The following KIAA1671 variants were observed in gnomAD, a reference collection of about 807,000 sequenced individuals.
KIAA1671 encodes the protein uncharacterized protein KIAA1671.
KIAA1671 carries 52 observed loss-of-function variants against 131.2 expected under a neutral mutation model. The ratio of observed to expected loss-of-function variants is 0.40; its 90% confidence interval spans 0.32 to 0.50. The LOEUF (loss-of-function observed/expected upper bound fraction) is 0.50. Among genes scored for constraint, KIAA1671 ranks in the 20% least tolerant of loss-of-function variants. The pLI is 0.73. For synonymous variants in KIAA1671, 1,003 were observed against 961.6 expected, an observed-to-expected ratio of 1.04 and a Z score of -0.80; for missense variants, 2,360 against 2,364.2, an observed-to-expected ratio of 1.00 and a Z score of 0.04.
intron 6 of KIAA1671, among the ~76,000 whole-genome samples, chr22:25,139,993 G>A (rs761865583): frequency 5.9e-5 from 9 of 152,214 alleles, no homozygotes; most frequent in South Asian, 4.1e-4. Flanking sequence ...GTACTGCTGC[G>A]TAACAAATGA....
chr22:25,185,132 G>A lies in KIAA1671; in HGVS notation c.5342+13G>A. The stretch of plus-strand genomic sequence containing the variant: ...ACAAGGATGAGAGGTGAGGGGTCTT[G>A]GGGAATGGGGGTCCCTCTCCTTCCA... On this transcript the variant is annotated intron_variant, in intron 11 of 12. Transcript: ENST00000358431. 1 of 1,535,112 alleles carries A rather than the reference G, an allele frequency of 6.5e-7. No homozygotes were observed.
chr22:25,096,741 CCT>C (rs1440295328), intron 6 of KIAA1671, among the ~76,000 whole-genome samples: 1 of 152,168 alleles, frequency 6.6e-6, no homozygotes, highest in African/African-American at 2.4e-5. Flanking sequence ...TTCCACACTC[CCT>C]GAGGCCTGCT....
At chr22:25,093,746 C>CTCTCTTTCTCTCTCTCTCTCTG (rs1930181221) in intron 6 of KIAA1671, among the ~76,000 whole-genome samples, 5 of 121,430 alleles carry the variant, frequency 4.1e-5, no homozygotes, top group Non-Finnish European at 5.1e-5. Flanking sequence ...CACTCTCTCT[C>CTCTCTTTCTCTCTCTCTCTCTG]TCTCTCTCTC....
intron 1 of KIAA1671, among the ~76,000 whole-genome samples, chr22:24,997,930 T>C (rs5760783): frequency 0.13 from 20,489 of 152,174 alleles, 1,574 homozygotes; most frequent in East Asian, 0.29. Flanking sequence ...TTCATATAAA[T>C]TTTGCCTGAA....
chr22:25,172,884 A>G (rs192955034), intron 7 of KIAA1671, among the ~76,000 whole-genome samples: 65 of 152,292 alleles, frequency 4.3e-4, no homozygotes, highest in African/African-American at 1.5e-3. Flanking sequence ...TTACATCTCT[A>G]TGCCTCAGTT....
At chr22:25,071,609 C>T (rs906451787) in intron 6 of KIAA1671, among the ~76,000 whole-genome samples, 1 of 151,842 alleles carries the variant, frequency 6.6e-6, no homozygotes, top group East Asian at 1.9e-4. Context: ...CTCCAATAAT[C>T]GTATTTTTGA....
chr22:24,992,114 G>A (rs1470398266), intron 1 of KIAA1671, among the ~76,000 whole-genome samples: 1 of 152,182 alleles, frequency 6.6e-6, no homozygotes, highest in Admixed American at 6.5e-5. Context: ...TGCGCCTGAA[G>A]CTAATGTCCT....
chr22:25,044,897 A>G (rs1294447975), intron 5 of KIAA1671, among the ~76,000 whole-genome samples: 19 of 152,218 alleles, frequency 1.2e-4, no homozygotes, highest in African/African-American at 4.8e-5. Flanking sequence ...ACGGTGGCTC[A>G]TGCCTGTAAT....
chr22:25,107,125 G>A lies in KIAA1671; in HGVS notation c.4530+57761G>A, dbSNP rs145350557. Among the ~76,000 whole-genome samples, 19 of 152,164 alleles carry A rather than the reference G, an allele frequency of 1.2e-4. No individual in the cohort carries two copies. The East Asian group carries it at 3.5e-3, about 28-fold the overall frequency. ...AAAATTTGCTATGTGGCTGGGGTGC[G>A]GTGGCTCACACCTGTGATTCCAGCA... On this transcript the variant is annotated intron_variant, in intron 6 of 12. Coordinates refer to ENST00000358431, the MANE Select transcript of KIAA1671 (RefSeq NM_001145206.2).
At chr22:25,093,746 C>CTG (rs55791503) in intron 6 of KIAA1671, among the ~76,000 whole-genome samples, 3 of 121,342 alleles carry the variant, frequency 2.5e-5, no homozygotes, top group Admixed American at 8.0e-5. Context: ...CACTCTCTCT[C>CTG]TCTCTCTCTC....
At position 25,158,975 on chromosome 22, in the gene KIAA1671, G is replaced by C. The variant is rs113422332; in HGVS notation, c.4531-11845G>C. Among the ~76,000 whole-genome samples the C allele has an allele frequency of 3.6e-3, 549 of 152,196 alleles. 5 individuals carry two copies. Among genetic ancestry groups the C allele is most frequent in the African/African-American group, 0.012 (503 of 41,528 alleles). On this transcript the variant is annotated intron_variant, in intron 6 of 12. Transcript: ENST00000358431. ...ACATGGTGCCAGGCATGCAGTTGGC[G>C]CTTCTTAGGTGTTTGTGGCTGTTAC... is the stretch of plus-strand genomic sequence containing the variant.
intron 1 of KIAA1671, among the ~76,000 whole-genome samples, chr22:24,979,346 A>ATTT (rs199628002): frequency 7.7e-6 from 1 of 130,620 alleles, no homozygotes; most frequent in African/African-American, 3.1e-5. Context: ...TTATTTATTT[A>ATTT]TTTATTTATT....
chr22:25,020,122 A>ATATTTGATTT (rs1226823137), intron 1 of KIAA1671, among the ~76,000 whole-genome samples: 1 of 152,154 alleles, frequency 6.6e-6, no homozygotes, highest in Non-Finnish European at 1.5e-5. Flanking sequence ...TGAGGGGAAA[A>ATATTTGATTT]TATTTGATTT....
intron 4 of KIAA1671, 96 bp downstream of exon 4, chr22:25,032,792 C>G: frequency 2.9e-6 from 2 of 695,288 alleles, no homozygotes; most frequent in South Asian, 4.4e-5. Flanking sequence ...CCCAGGAAGA[C>G]TCAGAAACAT....
At chr22:25,090,563 C>T (rs1049685270) in intron 6 of KIAA1671, among the ~76,000 whole-genome samples, 1 of 152,250 alleles carries the variant, frequency 6.6e-6, no homozygotes, top group East Asian at 1.9e-4. Context: ...ACTCGGAGAA[C>T]TTTTCTGAGG....
intron 6 of KIAA1671, among the ~76,000 whole-genome samples, chr22:25,156,994 T>A (rs1226507970): frequency 2.0e-5 from 3 of 151,520 alleles, no homozygotes; most frequent in Non-Finnish European, 3.0e-5. Flanking sequence ...AAATAAACTG[T>A]GAGAGAGATG....
Position 25,028,779 on chromosome 22 carries a change from A to C in KIAA1671, c.780A>C (p.Ala260=). The change falls in exon 3 of 13, where the codon GCA becomes GCC. Residue 260 remains alanine, a synonymous_variant. Coordinates refer to ENST00000358431, the MANE Select transcript of KIAA1671 (RefSeq NM_001145206.2). ...AGCCTCAGAAGCCAGGCCCCGGCGCAGCGGCCACAGTGGGCAAAGTGCCAC... is the reference window on the plus strand; with the variant it reads ...AGCCTCAGAAGCCAGGCCCCGGCGCCGCGGCCACAGTGGGCAAAGTGCCAC... ...SIQPQKPGPG[A]AATVGKVPPT... is the part of the protein sequence containing the mutation. 9.7e-6 allele frequency: 15 copies of C among 1,551,292 alleles called. No individual in the cohort carries two copies. In the South Asian group the frequency reaches 1.8e-4, roughly 18 times the overall value.
At chr22:25,093,838 G>GTCTCTCTCTCTC (rs56200570) in intron 6 of KIAA1671, among the ~76,000 whole-genome samples, 1 of 19,642 alleles carries the variant, frequency 5.1e-5, no homozygotes, top group Non-Finnish European at 8.8e-5. Context: ...CTCTCTGTCT[G>GTCTCTCTCTCTC]TCTCTCTCTC....
intron 1 of KIAA1671, among the ~76,000 whole-genome samples, chr22:24,991,507 G>T (rs1481603876): frequency 6.6e-6 from 1 of 151,358 alleles, no homozygotes; most frequent in Admixed American, 6.6e-5. Flanking sequence ...TTGTCCCCAG[G>T]CTGGAGTGGC....
Sources: allele counts gnomAD v4.1 joint callset (sites outside exome capture counted in the v4.1 genomes callset), GRCh38; gene constraint gnomAD v4.1.1; transcripts MANE v1.5; gene names NCBI Gene and HGNC (gene_info 2026-07-23, HGNC 2026-07-21).